IMPG1: variants seen among roughly 807,000 people sequenced by gnomAD.
IMPG1 encodes interphotoreceptor matrix proteoglycan of 150 kDa.
Under a neutral mutation model 92.0 loss-of-function variants are expected in IMPG1, and 85 were observed. That is an observed-to-expected ratio of 0.92 (90% CI 0.78 to 1.11). The LOEUF is 1.11. IMPG1 is among the 50% of genes least tolerant of loss of function. The pLI is 0.00. For missense variants in IMPG1, 1,022 were observed against 956.0 expected (o/e 1.07, Z -0.91); for synonymous variants, 367 against 334.1 (o/e 1.10, Z -1.08).
At chr6:76,044,880 T>C (rs1783909719) in intron 1 of IMPG1, among the ~76,000 whole-genome samples, 1 of 152,308 alleles carries the variant, frequency 6.6e-6, no homozygotes, top group African/African-American at 2.4e-5. Flanking sequence ...AGGGATCCTA[T>C]TTGATATGGG....
In IMPG1 at chr6:76,034,347, C is replaced by A; in HGVS notation, c.469-4G>T. 2 of 1,612,108 alleles carry A rather than the reference C, an allele frequency of 1.2e-6. No homozygotes were observed. The highest frequency in any genetic ancestry group is 1.7e-6 in the Non-Finnish European group (2 of 1,178,384). On this transcript the variant is annotated splice_polypyrimidine_tract_variant and splice_region_variant and intron_variant, in intron 3 of 16. Transcript: ENST00000369950. ...GGAAACTTCTCTGTTTTATTCTCTGCAAAAAGATAAAGATAAAATGTAATT... is the reference window on the plus strand; with the variant it reads ...GGAAACTTCTCTGTTTTATTCTCTGAAAAAAGATAAAGATAAAATGTAATT...
At chr6:75,964,049 GA>G (rs1782257894) in intron 12 of IMPG1, among the ~76,000 whole-genome samples, 1 of 152,140 alleles carries the variant, frequency 6.6e-6, no homozygotes, top group East Asian at 1.9e-4. Flanking sequence ...ATGCTTTGGG[GA>G]AAAAGCACTT....
intron 1 of IMPG1, among the ~76,000 whole-genome samples, chr6:76,043,897 G>A (rs73468825): frequency 0.04 from 6,127 of 152,220 alleles, 441 homozygotes; most frequent in African/African-American, 0.14. Flanking sequence ...AGCAGCAACT[G>A]GATCACCACC....
At chr6:75,984,712 G>T (rs1333135852) in intron 12 of IMPG1, among the ~76,000 whole-genome samples, 3 of 152,144 alleles carry the variant, frequency 2.0e-5, no homozygotes, top group African/African-American at 4.8e-5. Flanking sequence ...TTGGAGTTGG[G>T]GTCTGGAGAA....
intron 1 of IMPG1, among the ~76,000 whole-genome samples, chr6:76,044,898 G>A (rs1415140740): frequency 2.0e-5 from 3 of 152,098 alleles, no homozygotes; most frequent in Non-Finnish European, 4.4e-5. Context: ...GGGTCTTTAC[G>A]TTTTATCCTA....
At chr6:75,984,556 T>C (rs187614193) in intron 12 of IMPG1, among the ~76,000 whole-genome samples, 229 of 152,354 alleles carry the variant, frequency 1.5e-3, no homozygotes, top group Non-Finnish European at 2.5e-3. Flanking sequence ...TTACTGCAAA[T>C]AAATGATAAG....
intron 12 of IMPG1, among the ~76,000 whole-genome samples, chr6:75,999,368 A>G (rs1782949345): frequency 6.6e-6 from 1 of 152,242 alleles, no homozygotes; most frequent in Non-Finnish European, 1.5e-5. Flanking sequence ...TGAGTGCTTT[A>G]CAGAGATTTT....
intron 15 of IMPG1, among the ~76,000 whole-genome samples, chr6:75,928,180 C>T (rs2149449179): frequency 6.6e-6 from 1 of 151,992 alleles, no homozygotes; most frequent in Non-Finnish European, 1.5e-5. Flanking sequence ...CCTTTCTTCC[C>T]ACCCCTCAAC....
Position 75,992,218 on chromosome 6 carries a change from C to T in IMPG1, c.1291+10700G>A, listed in dbSNP as rs140706768. ...AACTTTCCCTGGTTTTCCAGCCTGC[C>T]ACCTGCAGGCTTTGAACTTTCAGAT... On this transcript the variant is annotated intron_variant, in intron 12 of 16. Coordinates refer to ENST00000369950, the MANE Select transcript of IMPG1 (RefSeq NM_001563.4). Among the ~76,000 whole-genome samples the T allele has an allele frequency of 1.9e-3, 287 of 152,318 alleles. 2 individuals carry two copies. Among genetic ancestry groups the T allele is most frequent in the Admixed American group, 5.6e-3 (86 of 15,306 alleles).
intron 11 of IMPG1, among the ~76,000 whole-genome samples, chr6:76,003,314 G>C (rs1264595340): frequency 6.6e-6 from 1 of 152,112 alleles, no homozygotes; most frequent in African/African-American, 2.4e-5. Flanking sequence ...ATAAAGCTTA[G>C]TCAGCACTTC....
intron 10 of IMPG1, 98 bp from the exon 11 acceptor site, chr6:76,004,048 A>G (rs1783047717): frequency 2.5e-6 from 2 of 804,462 alleles, no homozygotes; most frequent in East Asian, 2.7e-5. Flanking sequence ...GGAATAACCA[A>G]TCCTTAAGGA....
intron 12 of IMPG1, among the ~76,000 whole-genome samples, chr6:75,962,914 G>A (rs1198424828): frequency 6.6e-6 from 1 of 151,978 alleles, no homozygotes; most frequent in Non-Finnish European, 1.5e-5. Flanking sequence ...GGTGGCACGT[G>A]CCTGTAGTCC....
At chr6:76,010,760 A>G (rs1027377546) in intron 8 of IMPG1, among the ~76,000 whole-genome samples, 1 of 152,204 alleles carries the variant, frequency 6.6e-6, no homozygotes, top group Non-Finnish European at 1.5e-5. Context: ...TTGTTTAAAT[A>G]GTGATGTTAT....
At chr6:75,965,671 C>T (rs559956179) in intron 12 of IMPG1, among the ~76,000 whole-genome samples, 4 of 133,748 alleles carry the variant, frequency 3.0e-5, no homozygotes, top group South Asian at 2.4e-4. Context: ...GCAGTGTGGC[C>T]GGTCTTGGCT....
intron 1 of IMPG1, among the ~76,000 whole-genome samples, chr6:76,056,750 G>T (rs1784126647): frequency 6.6e-6 from 1 of 152,098 alleles, no homozygotes; most frequent in Non-Finnish European, 1.5e-5. Flanking sequence ...GCTCATTGTG[G>T]TTTTGATTCA....
intron 12 of IMPG1, among the ~76,000 whole-genome samples, chr6:75,961,092 C>T (rs1782206985): frequency 6.6e-6 from 1 of 152,102 alleles, no homozygotes; most frequent in Admixed American, 6.5e-5. Context: ...GCCAGAAGCC[C>T]CATTAGTAGC....
chr6:75,951,499 C>T (rs1052935476), intron 12 of IMPG1, among the ~76,000 whole-genome samples: 2 of 152,126 alleles, frequency 1.3e-5, no homozygotes, highest in South Asian at 2.1e-4. Flanking sequence ...CCCTCATCCC[C>T]GTATAGAACT....
chr6:76,041,514 A>G (rs1783841079), intron 2 of IMPG1, among the ~76,000 whole-genome samples: 1 of 152,174 alleles, frequency 6.6e-6, no homozygotes, highest in Admixed American at 6.5e-5. Flanking sequence ...TAAGTCATGA[A>G]TCAATTTGCT....
At chr6:75,981,769 T>C (rs984523588) in intron 12 of IMPG1, among the ~76,000 whole-genome samples, 2 of 152,240 alleles carry the variant, frequency 1.3e-5, no homozygotes, top group East Asian at 1.9e-4. Flanking sequence ...CTAGAGGGAA[T>C]TGTTGAGTGC....
Sources: gnomAD v4.1 joint callset for allele counts (sites outside exome capture counted in the v4.1 genomes callset) on GRCh38, gnomAD v4.1.1 for gene constraint, MANE v1.5 for transcripts, NCBI Gene and HGNC (gene_info 2026-07-23, HGNC 2026-07-21) for gene names.